Variants in TMC6 observed in about 807,000 individuals in gnomAD.
TMC6 encodes the protein transmembrane channel like 6.
Under a neutral mutation model 95.4 loss-of-function variants are expected in TMC6, and 71 were observed. The ratio of observed to expected loss-of-function variants is 0.74; its 90% CI spans 0.61 to 0.91. The LOEUF (loss-of-function observed/expected upper bound fraction) is 0.91, where lower values mean the gene tolerates loss of function less well. TMC6 is among the 40% of genes least tolerant of loss of function. The pLI is 0.00. For synonymous variants in TMC6, 514 were observed against 483.1 expected, an observed-to-expected ratio of 1.06 and a Z score of -0.84; for missense variants, 1,074 against 1,079.1, an observed-to-expected ratio of 1.00 and a Z score of 0.07.
intron 19 of TMC6, 33 bp downstream of exon 19, chr17:78,113,515 C>T (rs1567979342): frequency 6.2e-7 from 1 of 1,611,604 alleles, no homozygotes; most frequent in East Asian, 2.2e-5. Flanking sequence ...CCTCCAGGCT[C>T]AGAGTGTCCC....
In TMC6 at chr17:78,114,673, G is replaced by C. The variant is rs373835361; in HGVS notation, c.2278-1049C>G. Among the ~76,000 whole-genome samples the C allele has an allele frequency of 1.9e-4, 29 of 151,672 alleles. No individual in the cohort carries two copies. In the East Asian group the frequency reaches 4.9e-3, roughly 26 times the overall value. On this transcript the variant is annotated intron_variant, in intron 18 of 19. Transcript: ENST00000590602. ...TTGGCTCTGGGCACCTGGCAACCTGGCTCAGCCTAGGAGGACCACTTAGAA... is the reference window on the plus strand; with the variant it reads ...TTGGCTCTGGGCACCTGGCAACCTGCCTCAGCCTAGGAGGACCACTTAGAA...
chr17:78,120,965 C>G (rs1258984758), intron 12 of TMC6, 48 bp downstream of exon 12: 27 of 1,612,896 alleles, frequency 1.7e-5, no homozygotes, highest in Non-Finnish European at 2.2e-5. Flanking sequence ...GCTAAACAAC[C>G]AGTATCAGCT....
At chr17:78,124,819 G>GGCAGAGAGGCCCTGA (rs1567999848) in intron 7 of TMC6, 38 bp from the exon 8 acceptor site, 2 of 1,578,072 alleles carry the variant, frequency 1.3e-6, no homozygotes, top group African/African-American at 2.7e-5. Context: ...GGGTGAGGCC[G>GGCAGAGAGGCCCTGA]GAGGAGGCAC....
At chr17:78,119,204 G>T in intron 14 of TMC6, 93 bp downstream of exon 14, 2 of 1,547,318 alleles carry the variant, frequency 1.3e-6, no homozygotes, top group Non-Finnish European at 1.8e-6. Flanking sequence ...GGGCCTGGCT[G>T]TGGCCCCAGG....
Position 78,121,601 on chromosome 17 carries a change from C to T in TMC6, c.1338G>A (p.Leu446=), listed in dbSNP as rs1272445736. The T allele has an allele frequency of 6.2e-6, 10 of 1,611,412 alleles. No individual in the cohort carries two copies. The highest frequency in any genetic ancestry group is 3.3e-5 in the Admixed American group (2 of 59,964). ...AGACGTGGACGGCCACGGCGCAGCC[C>T]AGCGCGGTCCCCAGACACAGCAGCC... ...LVWLLCLGTA[L]GCAVAVHVFS... The change falls in exon 11 of 20, where the codon CTG becomes CTA. Residue 446 remains leucine, a synonymous_variant. Transcript: ENST00000590602. The surrounding 1 kb of genome is among the most constrained non-coding windows in gnomAD (Gnocchi z 5.6).
Position 78,113,209 on chromosome 17 carries a change from A to G in TMC6, c.2357T>C (p.Val786Ala), listed in dbSNP as rs978049799. Residue 786 changes from valine to alanine, a missense_variant and splice_region_variant, in exon 20 of 20, where the codon GTT (valine) becomes GCT (alanine). Coordinates refer to ENST00000590602, the MANE Select transcript of TMC6 (RefSeq NM_001127198.5). ...TGCCGCAGCCTCCTCGGTTGTCCCA[A>G]CCCTGCCAGAAAGAGACATCACTGA... is the stretch of plus-strand genomic sequence containing the variant. ...ERKEREERSR[V>A]GTTEEAAAPP... The G allele has an allele frequency of 2.6e-6, 4 of 1,553,928 alleles. No individual in the cohort carries two copies. Among genetic ancestry groups the G allele is most frequent in the Non-Finnish European group, 3.5e-6 (4 of 1,147,814 alleles).
intron 5 of TMC6, 69 bp from the exon 6 acceptor site, chr17:78,125,332 T>G: frequency 7.2e-7 from 1 of 1,393,610 alleles, no homozygotes; most frequent in Admixed American, 2.0e-5. Context: ...GCCGGGACCC[T>G]GGTCAGGCCT....
Position 78,124,668 on chromosome 17 carries a change from G to T in TMC6, c.747C>A (p.Phe249Leu), listed in dbSNP as rs1042301977. ...GQFGSSVLSYFLFLKTLLAFN... is the reference protein window; with the variant it reads ...GQFGSSVLSYLLFLKTLLAFN... ...AAGCCAGCAGGGTCTTGAGAAAGAG[G>T]AAGTAGGAGAGCACGCTGGAGCCGA... Residue 249 changes from phenylalanine to leucine, a missense_variant, in exon 8 of 20, where the codon TTC becomes TTA. Coordinates refer to ENST00000590602, the MANE Select transcript of TMC6 (RefSeq NM_001127198.5). 4 of 1,610,070 alleles carry T rather than the reference G, an allele frequency of 2.5e-6. No individual in the cohort carries two copies. The highest frequency in any genetic ancestry group is 2.5e-6 in the Non-Finnish European group (3 of 1,178,644).
rs1197386186 is a variant in TMC6 at position 78,110,135 on chromosome 17, ATC to A, written c.*3011_*3012del. On this transcript the variant is annotated 3_prime_UTR_variant, in exon 20 of 20. Coordinates refer to ENST00000590602, the MANE Select transcript of TMC6 (RefSeq NM_001127198.5). The stretch of plus-strand genomic sequence containing the variant: ...TCAAATCCAAATCAACTCAATCAGA[ATC>A]TCTCGGGGTGGGCCTCAGGCACCAG... 1 of 153,192 alleles carries A rather than the reference ATC, an allele frequency of 6.5e-6. No homozygotes were observed. The highest frequency in any genetic ancestry group is 1.5e-5 in the Non-Finnish European group (1 of 68,814). The allele number at this position is 153,192 out of a possible 1,614,324, so 9.5% of individuals were successfully genotyped here. A position where few individuals can be genotyped will look rare whatever the true frequency, so the allele number is the denominator to read the frequency against.
Position 78,121,319 on chromosome 17 carries a change from C to T in TMC6, c.1384-155G>A, listed in dbSNP as rs886132182. On this transcript the variant is annotated intron_variant, in intron 11 of 19. Transcript: ENST00000590602. The surrounding 1 kb of genome is among the most constrained non-coding windows in gnomAD (Gnocchi z 5.6). ...CCTCAAGTTCAAACCACACAGGAAGCAGGGAGGGGTACAAGTAGTGGAAAA... is the reference window on the plus strand; with the variant it reads ...CCTCAAGTTCAAACCACACAGGAAGTAGGGAGGGGTACAAGTAGTGGAAAA... Among the ~76,000 whole-genome samples, 18 of 152,044 alleles carry T rather than the reference C, an allele frequency of 1.2e-4. No homozygotes were observed. Among genetic ancestry groups the T allele is most frequent in the East Asian group, 1.9e-4 (1 of 5,186 alleles).
chr17:78,117,414 T>TGCAGGCCCA (rs1205336654), intron 17 of TMC6, 54 bp downstream of exon 17: 6 of 1,611,384 alleles, frequency 3.7e-6, no homozygotes, highest in Non-Finnish European at 5.1e-6. Context: ...CCCCACACGG[T>TGCAGGCCCA]GCAGGCCCAG....
intron 16 of TMC6, 21 bp from the exon 17 acceptor site, chr17:78,117,665 G>C (rs1387041843): frequency 6.4e-7 from 1 of 1,558,962 alleles, no homozygotes; most frequent in South Asian, 1.2e-5. Context: ...TGCCGACCAG[G>C]AACCCTCACC....
chr17:78,115,991 C>G (rs1187506955), intron 18 of TMC6, among the ~76,000 whole-genome samples: 1 of 151,856 alleles, frequency 6.6e-6, no homozygotes, highest in Non-Finnish European at 1.5e-5. Context: ...GGGGTCCGAC[C>G]CCCTTCTGCA....
At chr17:78,120,383 C>G (rs528567923) in intron 13 of TMC6, 1 of 542,138 alleles carries the variant, frequency 1.8e-6, no homozygotes, top group African/African-American at 1.9e-5. Context: ...TGGTCTCAAA[C>G]TCCTGACCTC....
In TMC6 at chr17:78,108,693, T is replaced by A. The variant is rs2073756389; in HGVS notation, c.*4455A>T. On this transcript the variant is annotated 3_prime_UTR_variant, in exon 20 of 20. Transcript: ENST00000590602. ...GTAGGGACCCCACGCAAAGACCTCG[T>A]GGGCCTGGGTGTCCAGGGCACCATT... is the stretch of plus-strand genomic sequence containing the variant. 1 of 154,474 alleles carries A rather than the reference T, an allele frequency of 6.5e-6. No homozygotes were observed. Among genetic ancestry groups the A allele is most frequent in the East Asian group, 1.9e-4 (1 of 5,170 alleles). The allele number at this position is 154,474 out of a possible 1,614,324, so 9.6% of individuals were successfully genotyped here.
chr17:78,126,688 C>G, intron 2 of TMC6, 40 bp from the exon 3 acceptor site: 1 of 1,612,304 alleles, frequency 6.2e-7, no homozygotes, highest in Non-Finnish European at 8.5e-7. Flanking sequence ...CTCCAGCCAC[C>G]TCTCTCCTTC....
chr17:78,114,039 T>G (rs1424267616), intron 18 of TMC6: 1 of 313,990 alleles, frequency 3.2e-6, no homozygotes, highest in Non-Finnish European at 6.2e-6. Context: ...TGTCATCAAC[T>G]TCGTGGCTTA....
rs773975109 is a variant in TMC6 at position 78,118,925 on chromosome 17, C to T, written c.1887+46G>A. 9 of 1,554,120 alleles carry T rather than the reference C, an allele frequency of 5.8e-6. No individual in the cohort carries two copies. In the Admixed American group the frequency reaches 9.6e-5, roughly 17 times the overall value. On this transcript the variant is annotated intron_variant, in intron 15 of 19. Transcript: ENST00000590602. ...CCCAGCTGAGTCCTGCCCCCACTGC[C>T]GGCCACCCTGCCAGCCCAGCCCTCC...
intron 18 of TMC6, chr17:78,113,885 T>A (rs2073921505): frequency 2.0e-6 from 1 of 494,898 alleles, no homozygotes; most frequent in Non-Finnish European, 3.7e-6. Context: ...AGAGCCAGCC[T>A]GACTCAATTT....
Sources: gnomAD v4.1 joint callset for allele counts (sites outside exome capture counted in the v4.1 genomes callset) on GRCh38, gnomAD v4.1.1 for gene constraint, Gnocchi (gnomAD v3.1) non-coding constraint, MANE v1.5 for transcripts, NCBI Gene and HGNC (gene_info 2026-07-23, HGNC 2026-07-21) for gene names.